CDH4: variants seen among roughly 807,000 people sequenced by gnomAD.
CDH4 encodes cadherin-4.
Under a neutral mutation model 86.0 loss-of-function variants are expected in CDH4, and 33 were observed. The ratio of observed to expected loss-of-function variants is 0.38; its 90% CI spans 0.29 to 0.51. The LOEUF (loss-of-function observed/expected upper bound fraction) is 0.51, where lower values mean the gene tolerates loss of function less well. Among genes scored for constraint, CDH4 ranks in the 20% least tolerant of loss-of-function variants. The pLI, the probability that CDH4 is intolerant of heterozygous loss-of-function variation, is 0.86. For synonymous variants in CDH4, 555 were observed against 549.4 expected (o/e 1.01, Z -0.14); for missense variants, 1,114 against 1,307.4 (o/e 0.85, Z 2.28).
chr20:61,344,796 A>G (rs2123288499), intron 2 of CDH4, among the ~76,000 whole-genome samples: 1 of 152,326 alleles, frequency 6.6e-6, no homozygotes, highest in Non-Finnish European at 1.5e-5. Context: ...CTCATAGACA[A>G]TGGCTCAAAA....
intron 2 of CDH4, chr20:61,717,478 GT>G (rs11479134): frequency 0.48 from 72,545 of 152,002 alleles, 17,821 homozygotes; most frequent in East Asian, 0.79. Context: ...TTTTGTCGTT[GT>G]TTTTTTGTTT....
intron 2 of CDH4, among the ~76,000 whole-genome samples, chr20:61,715,539 C>T (rs1220080466): frequency 6.6e-6 from 1 of 152,194 alleles, no homozygotes; most frequent in African/African-American, 2.4e-5. Flanking sequence ...AAGATAACAA[C>T]ATTAATCCAT....
intron 2 of CDH4, among the ~76,000 whole-genome samples, chr20:61,554,024 AC>A (rs1325086451): frequency 6.6e-6 from 1 of 152,202 alleles, no homozygotes; most frequent in Admixed American, 6.5e-5. Context: ...AGGAGCACCC[AC>A]GGTTCAGAGC....
chr20:61,297,405 A>G (rs908536237), intron 2 of CDH4, among the ~76,000 whole-genome samples: 1 of 152,214 alleles, frequency 6.6e-6, no homozygotes, highest in Middle Eastern at 3.2e-3. Flanking sequence ...ACAGAAAAAA[A>G]AAGTGTGGAA....
intron 2 of CDH4, among the ~76,000 whole-genome samples, chr20:61,603,356 TC>T (rs980210652): frequency 3.3e-5 from 5 of 152,016 alleles, no homozygotes; most frequent in Non-Finnish European, 2.9e-5. Flanking sequence ...CCCACACCAC[TC>T]CGGATGGCCC....
chr20:61,550,198 C>A (rs1186304954), intron 2 of CDH4, among the ~76,000 whole-genome samples: 2 of 139,046 alleles, frequency 1.4e-5, no homozygotes, highest in Admixed American at 7.1e-5. Context: ...GCTTCCCTGG[C>A]CTCCCTAGCC....
At chr20:61,716,030 AGCCCCAGTGCCAGCTGGG>A (rs2087948791) in intron 2 of CDH4, among the ~76,000 whole-genome samples, 1 of 152,224 alleles carries the variant, frequency 6.6e-6, no homozygotes, top group African/African-American at 2.4e-5. Flanking sequence ...AGGCAGCAGC[AGCCCCAGTGCCAGCTGGG>A]GCTCTGGAGG....
intron 2 of CDH4, among the ~76,000 whole-genome samples, chr20:61,647,950 G>A (rs2145811320): frequency 1.3e-5 from 2 of 152,302 alleles, no homozygotes; most frequent in South Asian, 4.1e-4. Context: ...GCTGCGGCCT[G>A]CCGAGTGAGT....
At chr20:61,755,357 T>A (rs1466073901) in intron 3 of CDH4, among the ~76,000 whole-genome samples, 10 of 132,870 alleles carry the variant, frequency 7.5e-5, no homozygotes, top group African/African-American at 2.9e-4. Context: ...ACATAGTGCA[T>A]GCCACACACA....
chr20:61,350,822 A>G (rs182549384), intron 2 of CDH4, among the ~76,000 whole-genome samples: 8 of 152,360 alleles, frequency 5.3e-5, no homozygotes, highest in Non-Finnish European at 1.2e-4. Flanking sequence ...TGGAAACTCA[A>G]GCTTCACTTG....
intron 2 of CDH4, among the ~76,000 whole-genome samples, chr20:61,325,030 G>A (rs951126023): frequency 5.3e-5 from 8 of 152,160 alleles, no homozygotes; most frequent in Admixed American, 2.0e-4. Context: ...GATGCTGGGC[G>A]AGTCCCGTAA....
rs139517302 is a variant in CDH4, at chr20:61,901,294, G to A, written c.1188+6247G>A. ...TTCTGGTCACAAGAGCCACAGATCC[G>A]ACAATTCTGATTTGTGAACTCAGAA... On this transcript the variant is annotated intron_variant, in intron 8 of 15. Coordinates refer to ENST00000614565, the MANE Select transcript of CDH4 (RefSeq NM_001794.5). 2.2e-3 allele frequency among the ~76,000 whole-genome samples: 342 copies of A among 152,154 alleles called. 1 individual carries two copies. The highest frequency in any genetic ancestry group is 7.7e-3 in the African/African-American group (318 of 41,540).
At chr20:61,880,003 T>TC (rs1483838185) in intron 7 of CDH4, among the ~76,000 whole-genome samples, 3 of 152,064 alleles carry the variant, frequency 2.0e-5, no homozygotes, top group Non-Finnish European at 4.4e-5. Flanking sequence ...AACCCACACC[T>TC]CCCCGAACGT....
At chr20:61,412,877 G>C (rs1600953820) in intron 2 of CDH4, among the ~76,000 whole-genome samples, 1 of 152,192 alleles carries the variant, frequency 6.6e-6, no homozygotes, top group East Asian at 1.9e-4. Flanking sequence ...AAACCCCAGG[G>C]TCAAGCCCTG....
chr20:61,383,182 A>AATATATT lies in CDH4; in HGVS notation c.169+128251_169+128252insTATATAT, dbSNP rs1568822217. Reference sequence around the variant, plus strand: ...TATTATATATATGAATATATTTATGAATATATATGAATATATTTATATATG... The same window carrying AATATATT: ...TATTATATATATGAATATATTTATGAATATATTATATATATGAATATATTTATATATG... On this transcript the variant is annotated intron_variant, in intron 2 of 15. Coordinates refer to ENST00000614565, the MANE Select transcript of CDH4 (RefSeq NM_001794.5). 1.5e-4 allele frequency among the ~76,000 whole-genome samples: 15 copies of AATATATT among 103,090 alleles called. 1 individual carries two copies. Among genetic ancestry groups the AATATATT allele is most frequent in the African/African-American group, 6.2e-4 (13 of 20,834 alleles). The allele number at this position is 103,090 out of a possible 152,430, so 67.6% of individuals were successfully genotyped here. A position where few individuals can be genotyped will look rare whatever the true frequency, so the allele number is the denominator to read the frequency against.
chr20:61,507,783 T>C (rs2085751649), intron 2 of CDH4, among the ~76,000 whole-genome samples: 1 of 152,116 alleles, frequency 6.6e-6, no homozygotes, highest in Non-Finnish European at 1.5e-5. Context: ...ACTCTGGACT[T>C]CATTAATAAC....
intron 6 of CDH4, among the ~76,000 whole-genome samples, chr20:61,854,762 AG>A (rs1982913744): frequency 7.0e-6 from 1 of 142,814 alleles, no homozygotes; most frequent in Non-Finnish European, 1.5e-5. Context: ...TAGTGTGAAC[AG>A]GGTGAATTGT....
At chr20:61,562,110 G>GGAGAGAGAGAGGGACCTCCCTGAGA (rs778452245) in intron 2 of CDH4, among the ~76,000 whole-genome samples, 3 of 78,490 alleles carry the variant, frequency 3.8e-5, no homozygotes, top group East Asian at 8.5e-4. Flanking sequence ...CAGGGCTCCC[G>GGAGAGAGAGAGGGACCTCCCTGAGA]GAGAGAGGGA....
chr20:61,628,299 G>GC (rs1352859566), intron 2 of CDH4, among the ~76,000 whole-genome samples: 1 of 151,844 alleles, frequency 6.6e-6, no homozygotes, highest in African/African-American at 2.4e-5. Flanking sequence ...CCTCACTGCC[G>GC]CCCCCACCCC....
Sources: gnomAD v4.1 joint callset for allele counts (sites outside exome capture counted in the v4.1 genomes callset) on GRCh38, gnomAD v4.1.1 for gene constraint, MANE v1.5 for transcripts, NCBI Gene and HGNC (gene_info 2026-07-23, HGNC 2026-07-21) for gene names.